AIG1: variants seen among roughly 807,000 people sequenced by gnomAD.
AIG1 encodes the protein androgen induced 1.
AIG1 carries 23 observed loss-of-function variants against 31.4 expected under a neutral mutation model. That is an observed-to-expected ratio of 0.73 (90% CI 0.53 to 1.04). The LOEUF (loss-of-function observed/expected upper bound fraction) is 1.04, where lower values mean the gene tolerates loss of function less well. AIG1 is among the 50% of genes least tolerant of loss of function. AIG1 has a pLI of 0.00. For synonymous variants in AIG1, 100 were observed against 110.5 expected, an observed-to-expected ratio of 0.90 and a Z score of 0.60; for missense variants, 274 against 295.0, an observed-to-expected ratio of 0.93 and a Z score of 0.52.
chr6:143,124,379 C>A (rs1782503095), intron 1 of AIG1, among the ~76,000 whole-genome samples: 1 of 152,194 alleles, frequency 6.6e-6, no homozygotes, highest in Non-Finnish European at 1.5e-5. Context: ...AGTGACTTCA[C>A]AGCCCCAGCC....
In AIG1 at chr6:143,086,849, T is replaced by G. The variant is rs1388383977; in HGVS notation, c.141+25783T>G. The stretch of plus-strand genomic sequence containing the variant: ...AAGATGGGGCGCACGCATGGGCAAC[T>G]GTTGAAGAGAGACTTCTGGCTGTGC... On this transcript the variant is annotated intron_variant, in intron 1 of 5. Coordinates refer to ENST00000357847, the MANE Select transcript of AIG1 (RefSeq NM_016108.4). Among the ~76,000 whole-genome samples, 5 of 152,192 alleles carry G rather than the reference T, an allele frequency of 3.3e-5. No homozygotes were observed. The East Asian group carries it at 9.6e-4, about 29-fold the overall frequency.
intron 4 of AIG1, among the ~76,000 whole-genome samples, chr6:143,319,002 AG>A (rs1304405163): frequency 1.3e-5 from 2 of 152,206 alleles, no homozygotes; most frequent in Non-Finnish European, 2.9e-5. Context: ...TGTGGGGAAA[AG>A]GGAACATTTT....
At position 143,303,818 on chromosome 6, in the gene AIG1, G is replaced by A. The variant is rs539287482; in HGVS notation, c.515+19593G>A. Among the ~76,000 whole-genome samples, 319 of 145,948 alleles carry A rather than the reference G, an allele frequency of 2.2e-3. 1 individual carries two copies. Among genetic ancestry groups the A allele is most frequent in the African/African-American group, 7.7e-3 (301 of 39,062 alleles). On this transcript the variant is annotated intron_variant, in intron 4 of 5. Transcript: ENST00000357847. ...TTGAATCTGTAAATTACCTTGGGCA[G>A]TATGGCCATTTTCACGATATTGATT...
intron 1 of AIG1, among the ~76,000 whole-genome samples, chr6:143,081,728 T>C (rs950381613): frequency 6.6e-6 from 1 of 152,092 alleles, no homozygotes; most frequent in Non-Finnish European, 1.5e-5. Context: ...TTTCCATTGG[T>C]TAGCTGCAGG....
In AIG1 at chr6:143,258,385, G is replaced by T. The variant is rs1173311598; in HGVS notation, c.400-25725G>T. Among the ~76,000 whole-genome samples, 1 of 152,214 alleles carries T rather than the reference G, an allele frequency of 6.6e-6. No homozygotes were observed. Among genetic ancestry groups the T allele is most frequent in the Non-Finnish European group, 1.5e-5 (1 of 68,038 alleles). On this transcript the variant is annotated intron_variant, in intron 3 of 5. Transcript: ENST00000357847. The surrounding 1 kb of genome is among the most constrained non-coding windows in gnomAD (Gnocchi z 4.7). ...CAGTAGAATTGTTTGTACTGATTCA[G>T]CAATGCTGATTGTATGTGATTCCAA...
chr6:143,215,424 A>T (rs987829326), intron 3 of AIG1, among the ~76,000 whole-genome samples: 1 of 152,160 alleles, frequency 6.6e-6, no homozygotes, highest in African/African-American at 2.4e-5. Flanking sequence ...CCAACAATAA[A>T]ACACACAAAC....
intron 3 of AIG1, among the ~76,000 whole-genome samples, chr6:143,216,573 CA>C (rs546104591): frequency 1.5e-3 from 226 of 152,338 alleles, no homozygotes; most frequent in African/African-American, 5.3e-3. Context: ...TTCTTTTCAG[CA>C]GAGACTTTAC....
Position 143,340,964 on chromosome 6 carries a change from C to A in AIG1, c.*1288C>A, listed in dbSNP as rs1777835983. ...CATTTTAAAATTAAAAAATGAAAAG[C>A]ATTAAACTTTTTAATTTGAAAAAAA... is the stretch of plus-strand genomic sequence containing the variant. On this transcript the variant is annotated 3_prime_UTR_variant, in exon 6 of 6. Transcript: ENST00000357847. Among the ~76,000 whole-genome samples, 1 of 151,942 alleles carries A rather than the reference C, an allele frequency of 6.6e-6. No homozygotes were observed. Among genetic ancestry groups the A allele is most frequent in the South Asian group, 2.1e-4 (1 of 4,826 alleles).
At chr6:143,310,725 G>T (rs1775196301) in intron 4 of AIG1, among the ~76,000 whole-genome samples, 1 of 150,842 alleles carries the variant, frequency 6.6e-6, no homozygotes, top group African/African-American at 2.4e-5. Context: ...AAAAAAGAAA[G>T]AATATACAAA....
chr6:143,165,867 A>AT (rs1169094553), intron 3 of AIG1, among the ~76,000 whole-genome samples: 1 of 152,022 alleles, frequency 6.6e-6, no homozygotes, highest in East Asian at 1.9e-4. Context: ...TTGAGGATAT[A>AT]TTTTCTGCAG....
At chr6:143,307,307 GT>G (rs887134252) in intron 4 of AIG1, among the ~76,000 whole-genome samples, 1 of 152,120 alleles carries the variant, frequency 6.6e-6, no homozygotes, top group East Asian at 1.9e-4. Context: ...TTTTTCTGCT[GT>G]TTTTTCCCCA....
intron 4 of AIG1, among the ~76,000 whole-genome samples, chr6:143,321,626 A>G (rs1486290022): frequency 1.3e-5 from 2 of 152,166 alleles, no homozygotes; most frequent in South Asian, 4.1e-4. Context: ...GAAATCTAGA[A>G]GGAACCGCTG....
intron 3 of AIG1, among the ~76,000 whole-genome samples, chr6:143,220,355 A>G (rs1792379755): frequency 6.6e-6 from 1 of 152,236 alleles, no homozygotes; most frequent in Non-Finnish European, 1.5e-5. Context: ...ATGTGAACCC[A>G]TAGAGAAGAG....
chr6:143,150,103 A>C lies in AIG1; in HGVS notation c.297+13113A>C, dbSNP rs147125547. Among the ~76,000 whole-genome samples the C allele has an allele frequency of 3.3e-5, 5 of 152,366 alleles. No homozygotes were observed. In the East Asian group the frequency reaches 9.6e-4, roughly 29 times the overall value. ...TCTGCTTCATCAAGAGTGAATTTTC[A>C]GTCAAATCTGCTTTTCTTTTTAAAT... is the stretch of plus-strand genomic sequence containing the variant. On this transcript the variant is annotated intron_variant, in intron 2 of 5. Coordinates refer to ENST00000357847, the MANE Select transcript of AIG1 (RefSeq NM_016108.4).
rs371808356 is a variant in AIG1, at chr6:143,178,304, G to A, written c.399+13121G>A. Among the ~76,000 whole-genome samples, 5 of 152,146 alleles carry A rather than the reference G, an allele frequency of 3.3e-5. No homozygotes were observed. The East Asian group carries it at 9.6e-4, about 29-fold the overall frequency. On this transcript the variant is annotated intron_variant, in intron 3 of 5. Transcript: ENST00000357847. ...GATGTGGAGATTTAGGGGTTTTTGG[G>A]CCCCAGGGCAAGATGCACACTGGTG... is the stretch of plus-strand genomic sequence containing the variant.
chr6:143,307,442 G>A (rs1018599545), intron 4 of AIG1, among the ~76,000 whole-genome samples: 1 of 152,240 alleles, frequency 6.6e-6, no homozygotes, highest in Non-Finnish European at 1.5e-5. Context: ...CTGCAGGTCT[G>A]TTGGAGTTTG....
chr6:143,306,186 C>T (rs1177616968), intron 4 of AIG1, among the ~76,000 whole-genome samples: 1 of 151,772 alleles, frequency 6.6e-6, no homozygotes, highest in Admixed American at 6.6e-5. Context: ...TCCAATTTAC[C>T]AGTCTGTGTC....
chr6:143,068,406 C>T (rs918885036), intron 1 of AIG1, among the ~76,000 whole-genome samples: 12 of 152,348 alleles, frequency 7.9e-5, no homozygotes, highest in African/African-American at 2.4e-4. Context: ...GCCCATGCCT[C>T]ACCTGCAGGG....
chr6:143,060,805 CCCCGCCCCGCCCCGCG>C (rs1776158449), upstream of AIG1: 1 of 123,862 alleles, frequency 8.1e-6, no homozygotes, highest in East Asian at 2.7e-4. Context: ...CCCGCCCCCG[CCCCGCCCCGCCCCGCG>C]CCCGCGCCCG....
Sources: gnomAD v4.1 joint callset for allele counts (sites outside exome capture counted in the v4.1 genomes callset) on GRCh38, gnomAD v4.1.1 for gene constraint, Gnocchi (gnomAD v3.1) non-coding constraint, MANE v1.5 for transcripts, NCBI Gene and HGNC (gene_info 2026-07-23, HGNC 2026-07-21) for gene names.